The following TRAF1 variants were observed in gnomAD, a reference collection of about 807,000 sequenced individuals.
TRAF1 encodes TNF receptor associated factor 1, also known as TNF receptor-associated factor 1.
In TRAF1, 23 loss-of-function variants were observed where a neutral mutation model predicts 40.9. That is an observed-to-expected ratio of 0.56 (90% CI 0.40 to 0.80). TRAF1 has a LOEUF of 0.80. Ranked by LOEUF, TRAF1 falls within the 30% of genes least tolerant of loss-of-function variation. The probability of loss-of-function intolerance (pLI) is 0.00; values close to 1 mark genes in which losing one functional copy is unlikely to be tolerated. For missense variants in TRAF1, 477 were observed against 528.7 expected, an observed-to-expected ratio of 0.90 and a Z score of 0.96; for synonymous variants, 206 against 218.8, an observed-to-expected ratio of 0.94 and a Z score of 0.52.
At chr9:120,919,313 G>A (rs559935842) in intron 3 of TRAF1, among the ~76,000 whole-genome samples, 1 of 152,362 alleles carries the variant, frequency 6.6e-6, no homozygotes, top group Admixed American at 6.5e-5. Context: ...TCGTTCTTCT[G>A]TCTGGGTCTG....
In TRAF1 at chr9:120,904,718, G is replaced by A. The variant is rs967722951; in HGVS notation, c.*302C>T. The A allele has an allele frequency of 2.2e-5, 9 of 400,318 alleles. No individual in the cohort carries two copies. The highest frequency in any genetic ancestry group is 4.2e-5 in the Non-Finnish European group (9 of 216,802). 24.8% of individuals were successfully genotyped at this position (400,318 alleles called of 1,614,324 possible). A position where few individuals can be genotyped will look rare whatever the true frequency, so the allele number is the denominator to read the frequency against. On this transcript the variant is annotated 3_prime_UTR_variant, in exon 8 of 8. Transcript: ENST00000373887. ...CCTGGTTCCATTTTCTTCTCATTTG[G>A]TGAGAGTCCACCTCAACATTCGGGG...
intron 3 of TRAF1, among the ~76,000 whole-genome samples, chr9:120,914,926 T>A (rs2046559173): frequency 6.6e-6 from 1 of 152,206 alleles, no homozygotes; most frequent in Non-Finnish European, 1.5e-5. Flanking sequence ...AATGCTTTCA[T>A]GGCCATAATT....
intron 5 of TRAF1, 78 bp downstream of exon 5, chr9:120,913,250 G>A: frequency 6.7e-7 from 1 of 1,485,946 alleles, no homozygotes; most frequent in Non-Finnish European, 9.0e-7. Flanking sequence ...TGAATGATTA[G>A]GAGGAAGCCT....
intron 2 of TRAF1, 87 bp downstream of exon 2, chr9:120,925,849 C>A (rs2046636400): frequency 6.3e-7 from 1 of 1,580,304 alleles, no homozygotes; most frequent in Admixed American, 1.8e-5. Context: ...CGCCTGAAGT[C>A]ACAGGCTCCT....
At chr9:120,920,016 C>T (rs560198599) in intron 3 of TRAF1, among the ~76,000 whole-genome samples, 64 of 152,302 alleles carry the variant, frequency 4.2e-4, no homozygotes, top group African/African-American at 1.5e-3. Context: ...CTATCACCGC[C>T]ACCCACCACA....
chr9:120,908,445 T>C (rs1373987132), intron 7 of TRAF1, among the ~76,000 whole-genome samples: 1 of 152,234 alleles, frequency 6.6e-6, no homozygotes, highest in African/African-American at 2.4e-5. Flanking sequence ...TTTGGTCTCC[T>C]GCTATATCTC....
intron 3 of TRAF1, among the ~76,000 whole-genome samples, chr9:120,921,342 C>T (rs536430323): frequency 6.6e-6 from 1 of 151,908 alleles, no homozygotes; most frequent in African/African-American, 2.4e-5. Flanking sequence ...GGTCGGGGCT[C>T]CAGGATCCCC....
At chr9:120,913,132 G>A (rs1385231150) in intron 5 of TRAF1, among the ~76,000 whole-genome samples, 196 bp downstream of exon 5, 1 of 152,184 alleles carries the variant, frequency 6.6e-6, no homozygotes, top group Non-Finnish European at 1.5e-5. Context: ...CCGAAGCACT[G>A]GATGGGAGGT....
chr9:120,923,627 T>C (rs760477750), intron 3 of TRAF1, 78 bp downstream of exon 3: 178 of 1,384,834 alleles, frequency 1.3e-4, no homozygotes, highest in Non-Finnish European at 1.7e-4. Context: ...AGGGGTGGAG[T>C]GGGCAGCTGT....
At chr9:120,927,618 C>G (rs985326790), upstream of TRAF1, 5 of 152,130 alleles carry the variant, frequency 3.3e-5, no homozygotes, top group African/African-American at 1.2e-4. Context: ...TGTGCTTTCA[C>G]GTCTATCTAC....
Position 120,903,778 on chromosome 9 carries a change from G to A in TRAF1, c.*1242C>T, listed in dbSNP as rs2046457660. On this transcript the variant is annotated 3_prime_UTR_variant, in exon 8 of 8. Transcript: ENST00000373887. ...TTGAGGGTCAGAGAAGCCAGGGAGG[G>A]AGGCAAGCTGGGGTGGGTCTCATTA... 6.6e-6 allele frequency: 1 copy of A among 152,220 alleles called. No individual in the cohort carries two copies. Among genetic ancestry groups the A allele is most frequent in the Non-Finnish European group, 1.5e-5 (1 of 68,076 alleles). The allele number at this position is 152,220 out of a possible 1,614,324, so 9.4% of individuals were successfully genotyped here. A position where few individuals can be genotyped will look rare whatever the true frequency, so the allele number is the denominator to read the frequency against.
intron 6 of TRAF1, 136 bp downstream of exon 6, chr9:120,911,200 G>T: frequency 1.0e-6 from 1 of 994,990 alleles, no homozygotes; most frequent in Admixed American, 2.7e-5. Flanking sequence ...TGCCCATGGT[G>T]AGTGGCCTGA....
chr9:120,914,204 T>C (rs2416805), intron 4 of TRAF1, 31 bp downstream of exon 4: 987,719 of 1,484,224 alleles, frequency 0.67, 331,120 homozygotes, highest in South Asian at 0.82. Context: ...CCATAGTGGA[T>C]AGATCTCCTT....
At position 120,913,534 on chromosome 9, in the gene TRAF1, C is replaced by T; in HGVS notation, c.499G>A (p.Ala167Thr). 1 of 1,613,764 alleles carries T rather than the reference C, an allele frequency of 6.2e-7. No homozygotes were observed. The highest frequency in any genetic ancestry group is 1.6e-4 in the Middle Eastern group (1 of 6,062). Residue 167 changes from alanine to threonine, a missense_variant, in exon 5 of 8, where the codon GCA (alanine) becomes ACA (threonine). By Grantham distance (58) the Ala-to-Thr change is moderately conservative. Coordinates refer to ENST00000373887, the MANE Select transcript of TRAF1 (RefSeq NM_005658.5). ...TCCTCCTGGCTCTCGGAGCAGGGTG[C>T]CCGGTAGCAATCGACCTCCAGGTCC... ...AGDLEVDCYR[A>T]PCSESQEELA...
At chr9:120,906,059 A>G (rs996634679) in intron 7 of TRAF1, among the ~76,000 whole-genome samples, 5 of 150,308 alleles carry the variant, frequency 3.3e-5, no homozygotes, top group African/African-American at 1.2e-4. Context: ...GCCCTGCCCC[A>G]CCTGTTTCCC....
chr9:120,924,059 A>G (rs2046622377), intron 2 of TRAF1, among the ~76,000 whole-genome samples: 1 of 152,200 alleles, frequency 6.6e-6, no homozygotes, highest in Admixed American at 6.5e-5. Context: ...TAGTGTGAAT[A>G]TATACATGTT....
In TRAF1 at chr9:120,926,001, G is replaced by A. The variant is rs763858335; in HGVS notation, c.75C>T (p.Thr25=). 7.4e-6 allele frequency: 12 copies of A among 1,613,340 alleles called. No individual in the cohort carries two copies. The highest frequency in any genetic ancestry group is 6.7e-5 in the African/African-American group (5 of 74,864). Residue 25 remains threonine, a synonymous_variant, in exon 2 of 8, where the codon ACC becomes ACT. Transcript: ENST00000373887. ...ENEFPFGCPP[T]VCQDPKEPRA... ...TGGGCTCCTTTGGGTCCTGGCAGAC[G>A]GTGGGAGGGCACCCAAAGGGAAACT... is the stretch of plus-strand genomic sequence containing the variant.
Position 120,925,994 on chromosome 9 carries a change from G to A in TRAF1, c.82C>T (p.Gln28Ter). ...AGAGCCCTGGGCTCCTTTGGGTCCT[G>A]GCAGACGGTGGGAGGGCACCCAAAG... ...FPFGCPPTVCQDPKEPRALCC... is the reference protein window; with the variant it reads ...FPFGCPPTVC The change falls in exon 2 of 8, where the codon CAG becomes TAG. Residue 28 changes from glutamine (Q) to a stop codon, truncating the protein, a stop_gained. Transcript: ENST00000373887. LOFTEE classifies it high-confidence loss of function. 1 of 1,613,698 alleles carries A rather than the reference G, an allele frequency of 6.2e-7. No homozygotes were observed. The highest frequency in any genetic ancestry group is 8.5e-7 in the Non-Finnish European group (1 of 1,179,802).
intron 3 of TRAF1, chr9:120,914,692 G>T: frequency 2.0e-6 from 1 of 508,804 alleles, no homozygotes; most frequent in Non-Finnish European, 2.5e-6. Flanking sequence ...GACTGCATGA[G>T]TAAATGCCTC....
Sources: allele counts gnomAD v4.1 joint callset (sites outside exome capture counted in the v4.1 genomes callset), GRCh38; gene constraint gnomAD v4.1.1; transcripts MANE v1.5; gene names NCBI Gene and HGNC (gene_info 2026-07-23, HGNC 2026-07-21).